Variants in ENTREP2 observed in about 807,000 individuals in gnomAD.
ENTREP2 encodes protein ENTREP2.
the ENTREP2 span, among the ~76,000 whole-genome samples, chr15:29,632,421 G>GTCAA: frequency 0.011 from 1,620 of 152,244 alleles, 29 homozygotes; most frequent in African/African-American, 0.037. Context: ...GAATGTTGGA[G>GTCAA]TCAATGTTTC....
chr15:29,453,584 T>C, the ENTREP2 span, among the ~76,000 whole-genome samples: 1 of 152,224 alleles, frequency 6.6e-6, no homozygotes, highest in South Asian at 2.1e-4. Flanking sequence ...GTTGATTTCT[T>C]GTCCAATTAT....
the ENTREP2 span, among the ~76,000 whole-genome samples, chr15:29,541,455 A>T: frequency 6.6e-6 from 1 of 152,290 alleles, no homozygotes; most frequent in Non-Finnish European, 1.5e-5. Flanking sequence ...CATGTAACAG[A>T]AGACAAGAGC....
the ENTREP2 span, among the ~76,000 whole-genome samples, chr15:29,274,514 G>A: frequency 5.9e-5 from 9 of 152,202 alleles, no homozygotes; most frequent in South Asian, 4.2e-4. Flanking sequence ...CACTCCTCCC[G>A]GTTTAAGTCT....
the ENTREP2 span, among the ~76,000 whole-genome samples, chr15:29,149,829 G>C: frequency 6.6e-6 from 1 of 152,190 alleles, no homozygotes; most frequent in South Asian, 2.1e-4. Flanking sequence ...CAGAGCCTTG[G>C]GCTCCCGCGG....
chr15:29,427,672 T>G, the ENTREP2 span, among the ~76,000 whole-genome samples: 1 of 152,278 alleles, frequency 6.6e-6, no homozygotes, highest in African/African-American at 2.4e-5. Flanking sequence ...TGTGACTACC[T>G]TGAACCCATT....
the ENTREP2 span, among the ~76,000 whole-genome samples, chr15:29,142,066 G>A: frequency 6.6e-6 from 1 of 152,356 alleles, no homozygotes; most frequent in South Asian, 2.1e-4. Context: ...AGCAGAAACC[G>A]CTGCCAAGTC....
chr15:29,401,091 A>G, the ENTREP2 span, among the ~76,000 whole-genome samples: 1 of 152,218 alleles, frequency 6.6e-6, no homozygotes, highest in Admixed American at 6.5e-5. Flanking sequence ...CCCAAAGTGG[A>G]GCCACCCCAG....
the ENTREP2 span, among the ~76,000 whole-genome samples, chr15:29,378,070 A>C: frequency 6.6e-6 from 1 of 152,010 alleles, no homozygotes; most frequent in Non-Finnish European, 1.5e-5. Flanking sequence ...GTCCACACAG[A>C]CTACAGTTGG....
the ENTREP2 span, chr15:29,375,845 CA>C: frequency 6.6e-6 from 1 of 152,104 alleles, no homozygotes; most frequent in East Asian, 1.9e-4. Context: ...TAGACTGGCT[CA>C]CCGAGATCTT....
the ENTREP2 span, among the ~76,000 whole-genome samples, chr15:29,488,260 C>T: frequency 4.6e-5 from 7 of 152,072 alleles, no homozygotes; most frequent in Non-Finnish European, 7.4e-5. Context: ...ATTCTAAGGT[C>T]AAAAAGTACA....
the ENTREP2 span, among the ~76,000 whole-genome samples, chr15:29,600,668 T>C: frequency 6.6e-6 from 1 of 152,086 alleles, no homozygotes; most frequent in African/African-American, 2.4e-5. Context: ...GACAGGGTCT[T>C]GCTATATTGC....
chr15:29,476,999 G>A, the ENTREP2 span, among the ~76,000 whole-genome samples: 11 of 152,090 alleles, frequency 7.2e-5, no homozygotes, highest in African/African-American at 1.2e-4. Flanking sequence ...TCTAAGACCC[G>A]AAACTGGAAA....
chr15:29,274,600 T>G, the ENTREP2 span, among the ~76,000 whole-genome samples: 4 of 152,208 alleles, frequency 2.6e-5, no homozygotes, highest in African/African-American at 9.6e-5. Flanking sequence ...CCTAGCACAG[T>G]GCCTGGCAGG....
At chr15:29,306,200 G>A in the ENTREP2 span, among the ~76,000 whole-genome samples, 1 of 152,214 alleles carries the variant, frequency 6.6e-6, no homozygotes, top group Non-Finnish European at 1.5e-5. Flanking sequence ...TGTGGGAGGC[G>A]CAGGGCTCAG....
chr15:29,433,343 C>T, the ENTREP2 span, among the ~76,000 whole-genome samples: 1 of 152,194 alleles, frequency 6.6e-6, no homozygotes, highest in Non-Finnish European at 1.5e-5. Context: ...ACCACAGGTG[C>T]CCCTTCCCAG....
the ENTREP2 span, among the ~76,000 whole-genome samples, chr15:29,304,406 A>C: frequency 2.2e-4 from 34 of 152,304 alleles, no homozygotes; most frequent in African/African-American, 8.2e-4. Flanking sequence ...AACAATTCTC[A>C]ACAAATGCAA....
chr15:29,584,442 C>CAT, the ENTREP2 span, among the ~76,000 whole-genome samples: 18,773 of 91,924 alleles, frequency 0.2, 2,066 homozygotes, highest in East Asian at 0.61. Context: ...TGTGTGTGTG[C>CAT]ATGTGTGTGT....
chr15:29,171,338 C>A, the ENTREP2 span, among the ~76,000 whole-genome samples: 1 of 152,164 alleles, frequency 6.6e-6, no homozygotes, highest in Admixed American at 6.5e-5. Context: ...AGCAGTTCAA[C>A]ATTTCATATT....
the ENTREP2 span, among the ~76,000 whole-genome samples, chr15:29,434,295 G>T: frequency 6.6e-6 from 1 of 152,170 alleles, no homozygotes. Flanking sequence ...TAATAGGTCT[G>T]GTATTCATTA....
Sources: allele counts gnomAD v4.1 joint callset (sites outside exome capture counted in the v4.1 genomes callset), GRCh38; gene constraint gnomAD v4.1.1; transcripts MANE v1.5; gene names NCBI Gene and HGNC (gene_info 2026-07-23, HGNC 2026-07-21).